Variants in NUBPL observed in about 807,000 individuals in gnomAD.
NUBPL encodes the protein NUBP iron-sulfur cluster assembly factor, mitochondrial.
NUBPL carries 31 observed loss-of-function variants against 45.7 expected under a neutral mutation model. That is an observed-to-expected ratio of 0.68 (90% CI 0.51 to 0.92). NUBPL has a LOEUF of 0.92. Among genes scored for constraint, NUBPL ranks in the 40% least tolerant of loss-of-function variants. NUBPL has a pLI of 0.00. For synonymous variants in NUBPL, 144 were observed against 140.9 expected, an observed-to-expected ratio of 1.02 and a Z score of -0.15; for missense variants, 401 against 398.7, an observed-to-expected ratio of 1.01 and a Z score of -0.05.
intron 8 of NUBPL, among the ~76,000 whole-genome samples, chr14:31,839,886 A>G (rs1264382708): frequency 3.3e-5 from 5 of 152,176 alleles, no homozygotes; most frequent in Admixed American, 3.3e-4. Flanking sequence ...CAAAACCACA[A>G]TGAGATATCC....
At chr14:31,711,637 G>A (rs966540980) in intron 6 of NUBPL, among the ~76,000 whole-genome samples, 1 of 152,124 alleles carries the variant, frequency 6.6e-6, no homozygotes, top group Admixed American at 6.5e-5. Context: ...AAGATGGTGT[G>A]TCCAGAGTTT....
intron 7 of NUBPL, among the ~76,000 whole-genome samples, chr14:31,793,241 C>G (rs2039415482): frequency 6.6e-6 from 1 of 152,110 alleles, no homozygotes; most frequent in African/African-American, 2.4e-5. Context: ...ACTCACTACT[C>G]CCACCTTCCT....
At position 31,733,258 on chromosome 14, in the gene NUBPL, C is replaced by G. The variant is rs865873175; in HGVS notation, c.514-54522C>G. 2.6e-5 allele frequency among the ~76,000 whole-genome samples: 4 copies of G among 152,262 alleles called. No individual in the cohort carries two copies. The Middle Eastern group carries it at 0.014, about 518-fold the overall frequency. Reference sequence around the variant, plus strand: ...TTGAATTCTGTATGCTGTTGCCTGCCTCATACTACGTGTTCTTGATTGCTG... The same window carrying G: ...TTGAATTCTGTATGCTGTTGCCTGCGTCATACTACGTGTTCTTGATTGCTG... On this transcript the variant is annotated intron_variant, in intron 6 of 10. Coordinates refer to ENST00000281081, the MANE Select transcript of NUBPL (RefSeq NM_025152.3).
chr14:31,715,796 T>A (rs2037674732), intron 6 of NUBPL, among the ~76,000 whole-genome samples: 1 of 152,182 alleles, frequency 6.6e-6, no homozygotes, highest in African/African-American at 2.4e-5. Flanking sequence ...TAGGCTACAC[T>A]AAATTTATTT....
chr14:31,711,183 A>T (rs962952221), intron 6 of NUBPL, among the ~76,000 whole-genome samples: 1 of 152,084 alleles, frequency 6.6e-6, no homozygotes, highest in Non-Finnish European at 1.5e-5. Context: ...CGGACCCCGG[A>T]GCTGAATGGC....
At chr14:31,588,019 G>A (rs1004502506) in intron 3 of NUBPL, among the ~76,000 whole-genome samples, 1 of 152,118 alleles carries the variant, frequency 6.6e-6, no homozygotes, top group South Asian at 2.1e-4. Flanking sequence ...GTACAGAAAG[G>A]AGAAAGATGC....
At chr14:31,811,836 A>G (rs1352682028) in intron 7 of NUBPL, among the ~76,000 whole-genome samples, 1 of 151,964 alleles carries the variant, frequency 6.6e-6, no homozygotes, top group Non-Finnish European at 1.5e-5. Flanking sequence ...TGCTGATGCT[A>G]TTCCTTTCTG....
At chr14:31,692,135 A>C (rs1019964860) in intron 6 of NUBPL, among the ~76,000 whole-genome samples, 13 of 152,158 alleles carry the variant, frequency 8.5e-5, no homozygotes, top group Non-Finnish European at 2.9e-5. Context: ...GTTGCTTTTT[A>C]TTCTCTTGAT....
intron 4 of NUBPL, among the ~76,000 whole-genome samples, chr14:31,618,482 T>A (rs1318511297): frequency 6.6e-6 from 1 of 152,228 alleles, no homozygotes; most frequent in Admixed American, 6.5e-5. Context: ...GTCTCTTTGT[T>A]CTCATTGGTT....
chr14:31,574,155 C>T (rs1470046034), intron 3 of NUBPL, among the ~76,000 whole-genome samples: 1 of 152,204 alleles, frequency 6.6e-6, no homozygotes, highest in Admixed American at 6.5e-5. Context: ...GCGCTTAGCA[C>T]AGTGGCTGAC....
chr14:31,636,659 G>A (rs1045077811), intron 4 of NUBPL, among the ~76,000 whole-genome samples: 1 of 152,172 alleles, frequency 6.6e-6, no homozygotes, highest in African/African-American at 2.4e-5. Context: ...AGTTTCAGAA[G>A]GAATGGTACC....
chr14:31,821,895 G>T (rs1167896472), intron 7 of NUBPL, among the ~76,000 whole-genome samples: 11 of 152,220 alleles, frequency 7.2e-5, no homozygotes, highest in African/African-American at 1.4e-4. Context: ...AACGTGGATG[G>T]AACTGGATGC....
chr14:31,844,033 G>C (rs2040416304), intron 8 of NUBPL: 1 of 152,126 alleles, frequency 6.6e-6, no homozygotes, highest in African/African-American at 2.4e-5. Flanking sequence ...TATTGAGTTT[G>C]GTTATAGTTT....
At chr14:31,734,795 T>C (rs1402723092) in intron 6 of NUBPL, among the ~76,000 whole-genome samples, 1 of 152,202 alleles carries the variant, frequency 6.6e-6, no homozygotes, top group East Asian at 1.9e-4. Context: ...ACAGATAAGG[T>C]TCCAGTAATG....
chr14:31,592,510 A>C (rs2034168926), intron 3 of NUBPL, among the ~76,000 whole-genome samples: 1 of 152,190 alleles, frequency 6.6e-6, no homozygotes, highest in Non-Finnish European at 1.5e-5. Context: ...GCAAATAACA[A>C]ATTTGAATTT....
intron 4 of NUBPL, among the ~76,000 whole-genome samples, chr14:31,667,558 C>T (rs61997366): frequency 4.6e-5 from 7 of 151,956 alleles, no homozygotes; most frequent in East Asian, 1.9e-4. Context: ...TCTGTCAATT[C>T]GTCATACTCT....
chr14:31,750,753 G>C (rs1236840372), intron 6 of NUBPL, among the ~76,000 whole-genome samples: 1 of 152,004 alleles, frequency 6.6e-6, no homozygotes. Context: ...TTTAGCTTTA[G>C]TTCTGGTTGT....
Position 31,777,379 on chromosome 14 carries a change from T to C in NUBPL, c.514-10401T>C, listed in dbSNP as rs191352088. Among the ~76,000 whole-genome samples, 218 of 152,304 alleles carry C rather than the reference T, an allele frequency of 1.4e-3. 2 individuals are homozygous for C. Among genetic ancestry groups the C allele is most frequent in the Non-Finnish European group, 1.4e-3 (93 of 68,022 alleles). On this transcript the variant is annotated intron_variant, in intron 6 of 10. Coordinates refer to ENST00000281081, the MANE Select transcript of NUBPL (RefSeq NM_025152.3). Reference sequence around the variant, plus strand: ...TTGAACGACTAGAGTCTTTTACTTATGAGAGGCACTCAAATGTGTGCTAAA... The same window carrying C: ...TTGAACGACTAGAGTCTTTTACTTACGAGAGGCACTCAAATGTGTGCTAAA...
intron 4 of NUBPL, among the ~76,000 whole-genome samples, chr14:31,613,853 G>A (rs935651012): frequency 1.3e-5 from 2 of 151,444 alleles, no homozygotes; most frequent in Admixed American, 1.3e-4. Context: ...ATATCAAAAC[G>A]TCTCATGTAC....
Sources: gnomAD v4.1 joint callset for allele counts (sites outside exome capture counted in the v4.1 genomes callset) on GRCh38, gnomAD v4.1.1 for gene constraint, MANE v1.5 for transcripts, NCBI Gene and HGNC (gene_info 2026-07-23, HGNC 2026-07-21) for gene names.